The following LRCH1 variants were observed in gnomAD, a reference collection of about 807,000 sequenced individuals.
LRCH1 encodes the protein leucine rich repeats and calponin homology domain containing 1.
LRCH1 carries 23 observed loss-of-function variants against 94.9 expected under a neutral mutation model. The ratio of observed to expected loss-of-function variants is 0.24; its 90% CI spans 0.17 to 0.34. The LOEUF is 0.34. Ranked by LOEUF, LRCH1 falls within the 10% of genes least tolerant of loss-of-function variation. The probability of loss-of-function intolerance (pLI) is 1.00; values close to 1 mark genes in which losing one functional copy is unlikely to be tolerated. For missense variants in LRCH1, 790 were observed against 945.9 expected, an observed-to-expected ratio of 0.84 and a Z score of 2.16; for synonymous variants, 364 against 354.9, an observed-to-expected ratio of 1.03 and a Z score of -0.29.
chr13:46,721,074 AT>A (rs1872566963), intron 16 of LRCH1, among the ~76,000 whole-genome samples: 1 of 152,210 alleles, frequency 6.6e-6, no homozygotes, highest in Non-Finnish European at 1.5e-5. Context: ...GGAATGCAAA[AT>A]TAAAAAATGA....
intron 1 of LRCH1, among the ~76,000 whole-genome samples, chr13:46,602,901 A>T (rs1014478589): frequency 2.0e-5 from 3 of 152,132 alleles, no homozygotes; most frequent in Non-Finnish European, 4.4e-5. Context: ...GTGAACCATG[A>T]TTGTGCCACT....
chr13:46,637,218 T>G, intron 1 of LRCH1, among the ~76,000 whole-genome samples: 1 of 152,240 alleles, frequency 6.6e-6, no homozygotes, highest in East Asian at 1.9e-4. Context: ...AACCTGAATG[T>G]GACCACTTCT....
intron 4 of LRCH1, among the ~76,000 whole-genome samples, chr13:46,682,840 G>A (rs1024219790): frequency 2.0e-5 from 3 of 152,174 alleles, no homozygotes; most frequent in African/African-American, 7.2e-5. Flanking sequence ...GTCCAGTAGT[G>A]TGTTGAGTTC....
intron 1 of LRCH1, among the ~76,000 whole-genome samples, chr13:46,576,933 G>A (rs936641718): frequency 6.6e-6 from 1 of 152,098 alleles, no homozygotes; most frequent in South Asian, 2.1e-4. Context: ...CAAGGAACTG[G>A]CTGGGGCTTC....
chr13:46,696,432 T>G (rs1175141585), intron 9 of LRCH1, among the ~76,000 whole-genome samples: 1 of 152,166 alleles, frequency 6.6e-6, no homozygotes. Context: ...ATGGAAACCC[T>G]GAAGAATGTG....
chr13:46,637,427 A>T (rs778501107), intron 1 of LRCH1, among the ~76,000 whole-genome samples: 1 of 152,172 alleles, frequency 6.6e-6, no homozygotes, highest in African/African-American at 2.4e-5. Context: ...CGAAAGCTCT[A>T]TGTGATTGCC....
In LRCH1 at chr13:46,681,737, A is replaced by G; in HGVS notation, c.580-4A>G. 6.3e-7 allele frequency: 1 copy of G among 1,594,980 alleles called. No homozygotes were observed. Among genetic ancestry groups the G allele is most frequent in the Non-Finnish European group, 8.6e-7 (1 of 1,162,618 alleles). Reference sequence around the variant, plus strand: ...TATTATTTCTCTCTCTGCTTTTGATACAGGATGTCAGCTGCAACGAGATCA... The same window carrying G: ...TATTATTTCTCTCTCTGCTTTTGATGCAGGATGTCAGCTGCAACGAGATCA... On this transcript the variant is annotated splice_polypyrimidine_tract_variant and splice_region_variant and intron_variant, in intron 3 of 19. Coordinates refer to ENST00000389797, the MANE Select transcript of LRCH1 (RefSeq NM_001164211.2).
At chr13:46,711,630 A>G (rs1872066679) in intron 13 of LRCH1, among the ~76,000 whole-genome samples, 161 bp from the exon 14 acceptor site, 1 of 152,222 alleles carries the variant, frequency 6.6e-6, no homozygotes, top group African/African-American at 2.4e-5. Flanking sequence ...ACGTATGAGT[A>G]TGGTCTACTT....
chr13:46,665,593 C>T (rs754001237), intron 2 of LRCH1, among the ~76,000 whole-genome samples: 3 of 152,188 alleles, frequency 2.0e-5, no homozygotes, highest in South Asian at 4.1e-4. Context: ...AGCCCACTGC[C>T]TTCCCTCTCT....
chr13:46,572,942 G>C (rs1251487461), intron 1 of LRCH1, among the ~76,000 whole-genome samples: 1 of 151,986 alleles, frequency 6.6e-6, no homozygotes, highest in South Asian at 2.1e-4. Context: ...CCATCTACTG[G>C]CCCAGTGACC....
chr13:46,674,624 C>T (rs2051646381), intron 3 of LRCH1, among the ~76,000 whole-genome samples: 1 of 152,168 alleles, frequency 6.6e-6, no homozygotes, highest in South Asian at 2.1e-4. Context: ...CGTCTATCTG[C>T]CTGTGCTTTC....
At chr13:46,749,498 AC>A (rs1481664931), downstream of LRCH1, among the ~76,000 whole-genome samples, 2 of 152,234 alleles carry the variant, frequency 1.3e-5, no homozygotes, top group African/African-American at 4.8e-5. Context: ...AAGTGTTCTT[AC>A]CAAAAAATAA....
chr13:46,642,403 G>A (rs998360403), intron 1 of LRCH1, among the ~76,000 whole-genome samples: 1 of 152,178 alleles, frequency 6.6e-6, no homozygotes, highest in African/African-American at 2.4e-5. Context: ...AGTGTCCTTG[G>A]ACAAGTTACC....
downstream of LRCH1, among the ~76,000 whole-genome samples, chr13:46,749,607 A>ATT: frequency 6.6e-6 from 1 of 151,548 alleles, no homozygotes; most frequent in African/African-American, 2.4e-5. Flanking sequence ...AATAAATACA[A>ATT]TTTTTTTTTT....
intron 1 of LRCH1, among the ~76,000 whole-genome samples, chr13:46,640,652 C>G (rs542692093): frequency 6.6e-6 from 1 of 152,280 alleles, no homozygotes; most frequent in African/African-American, 2.4e-5. Context: ...TACTGTACAA[C>G]AATGAACAAA....
exon 19 of LRCH1, chr13:46,750,630 A>G (rs1315292274): frequency 6.4e-7 from 1 of 1,551,582 alleles, no homozygotes; most frequent in East Asian, 2.4e-5. Flanking sequence ...CATCACCGTA[A>G]CGAAGGCTCT....
At chr13:46,594,263 A>G (rs1387162314) in intron 1 of LRCH1, among the ~76,000 whole-genome samples, 3 of 152,060 alleles carry the variant, frequency 2.0e-5, no homozygotes, top group African/African-American at 7.2e-5. Flanking sequence ...AAAAAAGTAC[A>G]TATTTAACAA....
At chr13:46,712,799 C>T (rs1271632742) in intron 15 of LRCH1, among the ~76,000 whole-genome samples, 1 of 152,154 alleles carries the variant, frequency 6.6e-6, no homozygotes, top group African/African-American at 2.4e-5. Flanking sequence ...AGTGGATATT[C>T]TATCTTCGTT....
chr13:46,575,545 T>TGTGG (rs1555269322), intron 1 of LRCH1, among the ~76,000 whole-genome samples: 1 of 134,838 alleles, frequency 7.4e-6, no homozygotes, highest in South Asian at 2.4e-4. Flanking sequence ...TGTGTGTGTG[T>TGTGG]TGTGGGGGGG....
Sources: allele counts gnomAD v4.1 joint callset (sites outside exome capture counted in the v4.1 genomes callset), GRCh38; gene constraint gnomAD v4.1.1; transcripts MANE v1.5; gene names NCBI Gene and HGNC (gene_info 2026-07-23, HGNC 2026-07-21).